GABRG1: variants seen among roughly 807,000 people sequenced by gnomAD.
The protein encoded by GABRG1 is gamma-aminobutyric acid receptor subunit gamma-1.
In GABRG1, 49 loss-of-function variants were observed where a neutral mutation model predicts 49.8. That is an observed-to-expected ratio of 0.98 (90% CI 0.78 to 1.25). The LOEUF (loss-of-function observed/expected upper bound fraction) is 1.25, where lower values mean the gene tolerates loss of function less well. GABRG1 is among the 50% of genes most tolerant of loss of function. The pLI, the probability that GABRG1 is intolerant of heterozygous loss-of-function variation, is 0.00. For missense variants in GABRG1, 552 were observed against 552.3 expected (o/e 1.00, Z 0.01); for synonymous variants, 232 against 185.1 (o/e 1.25, Z -2.06).
Position 46,037,054 on chromosome 4 carries a change from A to G in GABRG1, c.*3934T>C, listed in dbSNP as rs1324756636. 1.3e-5 allele frequency: 2 copies of G among 151,732 alleles called. No individual in the cohort carries two copies. Among genetic ancestry groups the G allele is most frequent in the African/African-American group, 4.8e-5 (2 of 41,398 alleles). 9.4% of individuals were successfully genotyped at this position (151,732 alleles called of 1,614,324 possible). On this transcript the variant is annotated 3_prime_UTR_variant, in exon 9 of 9. Transcript: ENST00000295452. ...CTTACCTGTTGAATCCCCAGCTCGC[A>G]TCTCTAAACACATATCCTCCACAAA...
intron 3 of GABRG1, among the ~76,000 whole-genome samples, chr4:46,068,502 C>T (rs1303605952): frequency 2.6e-5 from 4 of 152,002 alleles, no homozygotes; most frequent in Non-Finnish European, 4.4e-5. Context: ...TTATGATTTC[C>T]AAAGGATCAG....
chr4:46,111,899 C>G (rs146026418), intron 1 of GABRG1, among the ~76,000 whole-genome samples: 1 of 151,128 alleles, frequency 6.6e-6, no homozygotes, highest in African/African-American at 2.4e-5. Context: ...TACAAGAAAA[C>G]CTAGGAAACA....
At chr4:46,055,955 G>A (rs1227268867) in intron 7 of GABRG1, among the ~76,000 whole-genome samples, 4 of 13,512 alleles carry the variant, frequency 3.0e-4, no homozygotes, top group South Asian at 3.4e-3. Flanking sequence ...GACTGTGGTG[G>A]GGTCGGGGGG....
chr4:46,110,325 T>C (rs769400716), intron 1 of GABRG1, among the ~76,000 whole-genome samples: 2 of 151,042 alleles, frequency 1.3e-5, no homozygotes, highest in Admixed American at 6.6e-5. Context: ...TGATATAACA[T>C]AGTGAACCCT....
intron 2 of GABRG1, among the ~76,000 whole-genome samples, chr4:46,090,947 C>G (rs61658252): frequency 0.014 from 1,705 of 119,352 alleles, 20 homozygotes; most frequent in African/African-American, 0.073. Flanking sequence ...CACACACACA[C>G]ACACACATAC....
intron 2 of GABRG1, among the ~76,000 whole-genome samples, chr4:46,089,259 C>CA (rs1719893441): frequency 1.3e-5 from 2 of 151,946 alleles, no homozygotes; most frequent in East Asian, 1.9e-4. Context: ...TGAAAAACAA[C>CA]AAAAAATTAT....
intron 3 of GABRG1, among the ~76,000 whole-genome samples, chr4:46,071,611 C>A (rs1262784162): frequency 6.6e-6 from 1 of 151,362 alleles, no homozygotes; most frequent in Non-Finnish European, 1.5e-5. Context: ...ATGTTATTGC[C>A]CCTGAAGACC....
intron 1 of GABRG1, among the ~76,000 whole-genome samples, chr4:46,104,265 A>G (rs1720467202): frequency 6.6e-6 from 1 of 151,524 alleles, no homozygotes; most frequent in African/African-American, 2.4e-5. Flanking sequence ...GGAAGTTATG[A>G]AGTATTTTAG....
chr4:46,053,991 T>TG (rs1276469237), intron 7 of GABRG1, among the ~76,000 whole-genome samples: 1 of 108,644 alleles, frequency 9.2e-6, no homozygotes, highest in African/African-American at 4.2e-5. Context: ...TCCCATCGTT[T>TG]AAATCTTTAA....
At chr4:46,048,436 A>G (rs1320241157) in intron 8 of GABRG1, among the ~76,000 whole-genome samples, 1 of 149,108 alleles carries the variant, frequency 6.7e-6, no homozygotes, top group Non-Finnish European at 1.5e-5. Flanking sequence ...CTTCCAAGGT[A>G]GAAAAAAGAG....
intron 1 of GABRG1, among the ~76,000 whole-genome samples, chr4:46,122,424 T>A (rs1316542675): frequency 6.6e-6 from 1 of 152,048 alleles, no homozygotes; most frequent in Non-Finnish European, 1.5e-5. Context: ...TAAAATGCTA[T>A]AATATATTCA....
intron 3 of GABRG1, among the ~76,000 whole-genome samples, chr4:46,079,671 C>G (rs1719495107): frequency 6.6e-6 from 1 of 151,826 alleles, no homozygotes; most frequent in Non-Finnish European, 1.5e-5. Context: ...TTTGTACTTA[C>G]TAATCTTATA....
chr4:46,094,634 T>C (rs958019389), intron 2 of GABRG1, among the ~76,000 whole-genome samples: 5 of 151,822 alleles, frequency 3.3e-5, no homozygotes, highest in African/African-American at 7.2e-5. Context: ...TAGGAAATAG[T>C]ATAGTGACAA....
chr4:46,112,492 C>A (rs1720748037), intron 1 of GABRG1, among the ~76,000 whole-genome samples: 1 of 151,308 alleles, frequency 6.6e-6, no homozygotes, highest in Non-Finnish European at 1.5e-5. Context: ...GGGTATATAT[C>A]CAAAAGAAAA....
chr4:46,041,082 C>A lies in GABRG1; in HGVS notation c.1304G>T (p.Arg435Leu), dbSNP rs757060005. 1.2e-6 allele frequency: 2 copies of A among 1,612,998 alleles called. No individual in the cohort carries two copies. The highest frequency in any genetic ancestry group is 1.7e-6 in the Non-Finnish European group (2 of 1,179,304). The change falls in exon 9 of 9, where the codon CGC becomes CTC. Residue 435 changes from arginine to leucine, a missense_variant. Physicochemically the swap from Arg to Leu is moderately radical, Grantham distance 102 (BLOSUM62 -2). Transcript: ENST00000295452. ...GSWREGRIHI[R>L]IAKIDSYSRI... ...AGAATAAGAGTCAATTTTGGCAATG[C>A]GTATGTGTATCCTTCCTTCCCTCCA...
At chr4:46,081,953 A>G (rs1225528527) in intron 3 of GABRG1, among the ~76,000 whole-genome samples, 2 of 151,832 alleles carry the variant, frequency 1.3e-5, no homozygotes, top group Admixed American at 1.3e-4. Flanking sequence ...TGGCCTCTAT[A>G]ACTGCAAGAA....
intron 2 of GABRG1, among the ~76,000 whole-genome samples, chr4:46,094,162 A>C (rs924249849): frequency 6.6e-6 from 1 of 151,326 alleles, no homozygotes; most frequent in Non-Finnish European, 1.5e-5. Flanking sequence ...TTCATCTCCC[A>C]ATATTTCCTT....
At chr4:46,080,413 T>C (rs1205328210) in intron 3 of GABRG1, among the ~76,000 whole-genome samples, 2 of 151,872 alleles carry the variant, frequency 1.3e-5, no homozygotes, top group Non-Finnish European at 1.5e-5. Context: ...TATTCATCCC[T>C]AGTATCACAA....
At chr4:46,048,627 C>T (rs533980479) in intron 8 of GABRG1, among the ~76,000 whole-genome samples, 25 of 111,688 alleles carry the variant, frequency 2.2e-4, no homozygotes, top group Admixed American at 5.9e-4. Context: ...GGAAGGGAAG[C>T]GAAGGGAAGG....
Sources: allele counts gnomAD v4.1 joint callset (sites outside exome capture counted in the v4.1 genomes callset), GRCh38; gene constraint gnomAD v4.1.1; transcripts MANE v1.5; gene names NCBI Gene and HGNC (gene_info 2026-07-23, HGNC 2026-07-21).